Variants in ADAMTSL1 observed in about 807,000 individuals in gnomAD.
ADAMTSL1 encodes ADAMTS like 1, also known as ADAMTS-like protein 1.
ADAMTSL1 carries 126 observed loss-of-function variants against 201.8 expected under a neutral mutation model. That is an observed-to-expected ratio of 0.62 (90% CI 0.54 to 0.72). ADAMTSL1 has a LOEUF of 0.72. ADAMTSL1 is among the 30% of genes least tolerant of loss of function. The pLI, the probability that ADAMTSL1 is intolerant of heterozygous loss-of-function variation, is 0.00. For missense variants in ADAMTSL1, 2,679 were observed against 2,277.8 expected, an observed-to-expected ratio of 1.18 and a Z score of -3.59; for synonymous variants, 1,121 against 903.4, an observed-to-expected ratio of 1.24 and a Z score of -4.32.
Position 18,351,185 on chromosome 9 carries a change from G to T in ADAMTSL1, c.208-153644G>T, listed in dbSNP as rs537821144. Among the ~76,000 whole-genome samples the T allele has an allele frequency of 1.1e-3, 171 of 151,586 alleles. No homozygotes were observed. The South Asian group carries it at 0.014, about 12-fold the overall frequency. On this transcript the variant is annotated intron_variant, in intron 2 of 29. Transcript: ENST00000680146. Reference sequence around the variant, plus strand: ...GTGACGCAAGACACTACATCATCTGGCAGGGGAAGATTTAAAGCAGGTCAG... The same window carrying T: ...GTGACGCAAGACACTACATCATCTGTCAGGGGAAGATTTAAAGCAGGTCAG...
upstream of ADAMTSL1, among the ~76,000 whole-genome samples, chr9:18,469,206 G>A (rs1821115047): frequency 6.6e-6 from 1 of 152,044 alleles, no homozygotes; most frequent in Non-Finnish European, 1.5e-5. Context: ...AATATGCATT[G>A]ACATCTCCCT....
intron 2 of ADAMTSL1, among the ~76,000 whole-genome samples, chr9:18,199,194 G>A (rs908847069): frequency 6.6e-6 from 1 of 151,628 alleles, no homozygotes; most frequent in Non-Finnish European, 1.5e-5. Context: ...CACCAGCATG[G>A]CACATGTATA....
intron 1 of ADAMTSL1, among the ~76,000 whole-genome samples, chr9:18,075,469 G>A (rs1048874826): frequency 8.6e-5 from 13 of 151,800 alleles, no homozygotes; most frequent in African/African-American, 1.2e-4. Flanking sequence ...TGTAGTTTGC[G>A]GACTATGTAA....
intron 2 of ADAMTSL1, among the ~76,000 whole-genome samples, chr9:18,275,676 T>C (rs1832558867): frequency 6.6e-6 from 1 of 152,224 alleles, no homozygotes; most frequent in African/African-American, 2.4e-5. Context: ...CTGTCATCTT[T>C]AATGTATCAG....
At chr9:18,009,101 C>T (rs542415903) in intron 1 of ADAMTSL1, among the ~76,000 whole-genome samples, 170 of 152,116 alleles carry the variant, frequency 1.1e-3, no homozygotes, top group African/African-American at 3.9e-3. Context: ...CATGCCCTTA[C>T]TCATTTCACC....
At chr9:18,384,960 T>C (rs1837727872) in intron 2 of ADAMTSL1, among the ~76,000 whole-genome samples, 1 of 152,174 alleles carries the variant, frequency 6.6e-6, no homozygotes, top group Non-Finnish European at 1.5e-5. Context: ...ATCTACACTT[T>C]GGGACTTTAT....
intron 2 of ADAMTSL1, among the ~76,000 whole-genome samples, chr9:18,372,552 G>C (rs1410069080): frequency 6.6e-6 from 1 of 152,158 alleles, no homozygotes; most frequent in Non-Finnish European, 1.5e-5. Context: ...GAGGTCTTCA[G>C]ACCCCTAGTT....
At chr9:18,027,690 GTGGTTGT>G (rs1820762118) in intron 1 of ADAMTSL1, among the ~76,000 whole-genome samples, 1 of 151,534 alleles carries the variant, frequency 6.6e-6, no homozygotes, top group Admixed American at 6.6e-5. Context: ...TGTATATTCT[GTGGTTGT>G]TGGATGGAAT....
intron 16 of ADAMTSL1, among the ~76,000 whole-genome samples, chr9:18,755,504 C>T (rs935151278): frequency 2.0e-5 from 3 of 152,154 alleles, no homozygotes; most frequent in Admixed American, 1.3e-4. Context: ...GTCTTAATAT[C>T]GTCCTAGTCT....
At chr9:18,121,224 A>G (rs1275023089) in intron 1 of ADAMTSL1, among the ~76,000 whole-genome samples, 1 of 152,208 alleles carries the variant, frequency 6.6e-6, no homozygotes, top group African/African-American at 2.4e-5. Context: ...AAACAAATAC[A>G]GACAGTTGTA....
At chr9:18,000,104 A>T (rs530671410) in intron 1 of ADAMTSL1, among the ~76,000 whole-genome samples, 1 of 150,724 alleles carries the variant, frequency 6.6e-6, no homozygotes, top group Non-Finnish European at 1.5e-5. Context: ...ATTTATAGTC[A>T]TATGGGTATA....
At position 18,068,314 on chromosome 9, in the gene ADAMTSL1, C is replaced by G. The variant is rs1822800932; in HGVS notation, c.88-95548C>G. 2.6e-5 allele frequency among the ~76,000 whole-genome samples: 4 copies of G among 152,006 alleles called. No individual in the cohort carries two copies. The South Asian group carries it at 6.2e-4, about 24-fold the overall frequency. On this transcript the variant is annotated intron_variant, in intron 1 of 29. Coordinates refer to the ADAMTSL1 transcript ENST00000680146. ...CAAAAAGAAAAACAACTAAAAATAA[C>G]AATACAACAATAAAAATAATACAAA...
chr9:18,689,742 T>G (rs764994077), intron 13 of ADAMTSL1, among the ~76,000 whole-genome samples: 5 of 152,198 alleles, frequency 3.3e-5, no homozygotes, highest in African/African-American at 9.6e-5. Context: ...GTGGCCAAGA[T>G]AGCAATTTTA....
intron 2 of ADAMTSL1, among the ~76,000 whole-genome samples, chr9:18,245,299 AC>A (rs1281031224): frequency 6.6e-6 from 1 of 152,180 alleles, no homozygotes; most frequent in Non-Finnish European, 1.5e-5. Flanking sequence ...TATTGTTTTG[AC>A]GTTCAATCAA....
intron 1 of ADAMTSL1, among the ~76,000 whole-genome samples, chr9:17,942,306 A>T (rs1332089952): frequency 1.3e-5 from 2 of 152,180 alleles, no homozygotes; most frequent in African/African-American, 4.8e-5. Context: ...TGTATTACCT[A>T]CGTATAAAAT....
chr9:18,864,972 TA>T (rs141251357), intron 23 of ADAMTSL1, among the ~76,000 whole-genome samples: 11,028 of 151,544 alleles, frequency 0.073, 487 homozygotes, highest in East Asian at 0.17. Flanking sequence ...TGTTTAAGAT[TA>T]AAAAAAAATC....
chr9:18,425,085 T>G (rs1426203166), intron 2 of ADAMTSL1, among the ~76,000 whole-genome samples: 1 of 152,068 alleles, frequency 6.6e-6, no homozygotes, highest in Non-Finnish European at 1.5e-5. Context: ...GGGCTGAAAT[T>G]TGAAACTGAT....
intron 2 of ADAMTSL1, among the ~76,000 whole-genome samples, chr9:18,441,656 A>T (rs1243041201): frequency 2.6e-5 from 4 of 151,358 alleles, no homozygotes; most frequent in African/African-American, 7.3e-5. Context: ...CTCTTCAAAG[A>T]CCTGCTGAGT....
chr9:18,755,362 TG>T (rs1451553851), intron 16 of ADAMTSL1, among the ~76,000 whole-genome samples: 26 of 152,346 alleles, frequency 1.7e-4, no homozygotes, highest in African/African-American at 6.3e-4. Context: ...AGTAGCTTGT[TG>T]CTATTAGGTA....
Sources: allele counts gnomAD v4.1 joint callset (sites outside exome capture counted in the v4.1 genomes callset), GRCh38; gene constraint gnomAD v4.1.1; transcripts MANE v1.5; gene names NCBI Gene and HGNC (gene_info 2026-07-23, HGNC 2026-07-21).